The following RAB27A variants were observed in gnomAD, a reference collection of about 807,000 sequenced individuals.
RAB27A encodes the protein ras-related protein Rab-27A.
A neutral mutation model predicts 20.8 loss-of-function variants in RAB27A; 17 were observed. The ratio of observed to expected loss-of-function variants is 0.82; its 90% confidence interval spans 0.56 to 1.23. The LOEUF (loss-of-function observed/expected upper bound fraction) is 1.23, where lower values mean the gene tolerates loss of function less well. RAB27A is among the 50% of genes most tolerant of loss of function. The pLI is 0.00. For missense variants in RAB27A, 277 were observed against 266.7 expected (o/e 1.04, Z -0.27); for synonymous variants, 85 against 92.8 (o/e 0.92, Z 0.48).
chr15:55,217,663 CAAAAAAAAAAAAAAA>C (rs199813098), intron 6 of RAB27A, among the ~76,000 whole-genome samples: 49 of 43,554 alleles, frequency 1.1e-3, no homozygotes, highest in African/African-American at 3.7e-3. Context: ...CACTCCATCT[CAAAAAAAAAAAAAAA>C]AAAAAAAAAA....
At chr15:55,216,952 C>T (rs553381938) in intron 6 of RAB27A, among the ~76,000 whole-genome samples, 1 of 152,286 alleles carries the variant, frequency 6.6e-6, no homozygotes, top group African/African-American at 2.4e-5. Flanking sequence ...GAGCTACTGT[C>T]CAATGTTTAT....
chr15:55,222,855 G>T (rs981322855), intron 6 of RAB27A, among the ~76,000 whole-genome samples: 5 of 152,076 alleles, frequency 3.3e-5, no homozygotes, highest in African/African-American at 1.2e-4. Context: ...GCTATTAAGG[G>T]TTTGAATTTA....
At chr15:55,307,224 G>A (rs1384024722) in intron 2 of RAB27A, among the ~76,000 whole-genome samples, 1 of 151,924 alleles carries the variant, frequency 6.6e-6, no homozygotes, top group Non-Finnish European at 1.5e-5. Context: ...AGAACTTGTT[G>A]ATATTTGGCT....
intron 6 of RAB27A, among the ~76,000 whole-genome samples, chr15:55,214,000 G>A (rs1292896222): frequency 1.3e-5 from 2 of 152,218 alleles, no homozygotes; most frequent in Non-Finnish European, 2.9e-5. Context: ...CACTGATTTA[G>A]AGGATATATG....
rs59683414 is a variant in RAB27A, at chr15:55,205,961, A to T, written c.468-256T>A. Among the ~76,000 whole-genome samples the T allele has an allele frequency of 0.098, 14,876 of 152,040 alleles. 1,237 individuals carry two copies. The highest frequency in any genetic ancestry group is 0.23 in the African/African-American group (9,375 of 41,440). ...CTGGGCGCAGTGGCTCACACCTCCC[A>T]GCACTCTGGGAGGCTCAGGTGGGCA... On this transcript the variant is annotated intron_variant, in intron 6 of 6. Transcript: ENST00000336787.
chr15:55,226,401 GAGGGTA>G (rs1364284271), intron 5 of RAB27A, among the ~76,000 whole-genome samples: 1 of 152,138 alleles, frequency 6.6e-6, no homozygotes, highest in Non-Finnish European at 1.5e-5. Context: ...AGGGAAAGGG[GAGGGTA>G]TATAGACCTG....
At chr15:55,318,024 G>A (rs538895283) in intron 1 of RAB27A, among the ~76,000 whole-genome samples, 5 of 151,942 alleles carry the variant, frequency 3.3e-5, no homozygotes, top group Non-Finnish European at 5.9e-5. Flanking sequence ...AAGTGAATTA[G>A]GGAAGGGTAT....
intron 6 of RAB27A, among the ~76,000 whole-genome samples, chr15:55,210,275 T>C (rs1393498957): frequency 7.7e-6 from 1 of 129,876 alleles, no homozygotes; most frequent in Non-Finnish European, 1.6e-5. Context: ...GGTAGTTCTA[T>C]TTTTAGTTTT....
At chr15:55,206,824 T>C (rs1894674388) in intron 6 of RAB27A, among the ~76,000 whole-genome samples, 1 of 152,140 alleles carries the variant, frequency 6.6e-6, no homozygotes. Context: ...AGTTTGATAA[T>C]CTTGACAATG....
intron 2 of RAB27A, among the ~76,000 whole-genome samples, chr15:55,248,109 A>G (rs1212215202): frequency 6.6e-6 from 1 of 151,950 alleles, no homozygotes; most frequent in Non-Finnish European, 1.5e-5. Context: ...TACAGGCACT[A>G]ATCACATTTA....
Position 55,303,877 on chromosome 15 carries a change from G to A in RAB27A, c.-112+10162C>T, listed in dbSNP as rs1274683137. On this transcript the variant is annotated intron_variant, in intron 2 of 5. Coordinates refer to the RAB27A transcript ENST00000563262. ...CCCTGCCCAGCCAGCCGGCCCGTCC[G>A]GGAGGTGAGGGGCGCCTCTGCCCGG... is the stretch of plus-strand genomic sequence containing the variant. 5.2e-3 allele frequency among the ~76,000 whole-genome samples: 747 copies of A among 143,314 alleles called. 18 individuals are homozygous for A. Among genetic ancestry groups the A allele is most frequent in the African/African-American group, 0.02 (713 of 36,414 alleles). 94.0% of individuals were successfully genotyped at this position (143,314 alleles called of 152,430 possible).
At chr15:55,316,470 C>T (rs2055044606) in intron 1 of RAB27A, among the ~76,000 whole-genome samples, 1 of 151,410 alleles carries the variant, frequency 6.6e-6, no homozygotes, top group Non-Finnish European at 1.5e-5. Flanking sequence ...AGGACAAATA[C>T]CTAATGCCTG....
At chr15:55,316,000 G>A (rs537570076) in intron 1 of RAB27A, among the ~76,000 whole-genome samples, 3 of 152,146 alleles carry the variant, frequency 2.0e-5, no homozygotes, top group African/African-American at 4.8e-5. Flanking sequence ...TTGGGAGGCC[G>A]AAGCAGGTGG....
At chr15:55,287,854 T>C (rs1181143477) in intron 1 of RAB27A, among the ~76,000 whole-genome samples, 1 of 152,016 alleles carries the variant, frequency 6.6e-6, no homozygotes, top group South Asian at 2.1e-4. Context: ...CAAAACACTA[T>C]GTAGCTACAA....
At chr15:55,221,034 C>A (rs1329859763) in intron 6 of RAB27A, among the ~76,000 whole-genome samples, 3 of 152,170 alleles carry the variant, frequency 2.0e-5, no homozygotes, top group Admixed American at 6.5e-5. Flanking sequence ...TACTCCATAA[C>A]CATCGTGACC....
rs1169740905 is a variant in RAB27A at position 55,205,181 on chromosome 15, C to T, written c.*326G>A. ...CCTACATTAAGGCAGGTGACAGTAC[C>T]CTCATTCATTCTACATAATAAATAC... On this transcript the variant is annotated 3_prime_UTR_variant, in exon 7 of 7. Coordinates refer to ENST00000336787, the MANE Select transcript of RAB27A (RefSeq NM_183235.3). 2.7e-6 allele frequency: 1 copy of T among 370,900 alleles called. No homozygotes were observed. Among genetic ancestry groups the T allele is most frequent in the East Asian group, 6.5e-5 (1 of 15,404 alleles). 23.0% of individuals were successfully genotyped at this position (370,900 alleles called of 1,614,324 possible).
At chr15:55,274,918 A>G (rs190379952) in intron 1 of RAB27A, among the ~76,000 whole-genome samples, 2 of 150,912 alleles carry the variant, frequency 1.3e-5, no homozygotes, top group African/African-American at 4.9e-5. Context: ...GAGGTGTTAC[A>G]ACTGATACCA....
chr15:55,267,785 T>C (rs541354768), intron 2 of RAB27A, among the ~76,000 whole-genome samples: 2 of 152,270 alleles, frequency 1.3e-5, no homozygotes, highest in South Asian at 2.1e-4. Flanking sequence ...GTTTCCCCTA[T>C]GAGCACTCAG....
chr15:55,218,231 G>A (rs1261802601), intron 6 of RAB27A, among the ~76,000 whole-genome samples: 1 of 151,924 alleles, frequency 6.6e-6, no homozygotes, highest in African/African-American at 2.4e-5. Flanking sequence ...TCTGTTGGAT[G>A]CTAATTGAAC....
Sources: allele counts gnomAD v4.1 joint callset (sites outside exome capture counted in the v4.1 genomes callset), GRCh38; gene constraint gnomAD v4.1.1; transcripts MANE v1.5; gene names NCBI Gene and HGNC (gene_info 2026-07-23, HGNC 2026-07-21).